Variants in MCEE observed in about 807,000 individuals in gnomAD.
The protein encoded by MCEE is methylmalonyl-CoA epimerase, mitochondrial.
MCEE carries 6 observed loss-of-function variants against 12.9 expected under a neutral mutation model. The observed-to-expected ratio is 0.47, with a 90% CI of 0.26 to 0.92. The LOEUF is 0.92. Among genes scored for constraint, MCEE ranks in the 40% least tolerant of loss-of-function variants. The pLI is 0.16. For synonymous variants in MCEE, 78 were observed against 77.9 expected (o/e 1.00, Z -0.01); for missense variants, 214 against 212.1 (o/e 1.01, Z -0.05).
intron 1 of MCEE, among the ~76,000 whole-genome samples, chr2:71,126,769 C>G (rs1673243000): frequency 6.6e-6 from 1 of 152,038 alleles, no homozygotes; most frequent in Non-Finnish European, 1.5e-5. Context: ...CTTGTAGAAA[C>G]TTTTTTCCAG....
chr2:71,112,204 T>C (rs1672899171), intron 2 of MCEE, among the ~76,000 whole-genome samples: 1 of 152,160 alleles, frequency 6.6e-6, no homozygotes, highest in Admixed American at 6.5e-5. Context: ...TAGTGCGATC[T>C]CAGCTCACTG....
intron 2 of MCEE, among the ~76,000 whole-genome samples, chr2:71,121,917 G>T (rs141703893): frequency 1.6e-4 from 25 of 152,272 alleles, no homozygotes; most frequent in Non-Finnish European, 2.8e-4. Flanking sequence ...TGGCATCATG[G>T]GTAAGAGTGC....
chr2:71,111,716 G>A (rs34022557), intron 2 of MCEE, among the ~76,000 whole-genome samples: 1,972 of 152,198 alleles, frequency 0.013, 23 homozygotes, highest in Non-Finnish European at 0.02. Flanking sequence ...TAGCACCATG[G>A]CCTCCTCAGA....
Position 71,125,211 on chromosome 2 carries a change from A to ATATATTTTTTTT in MCEE, c.41-669_41-668insAAAAAAAATATA. ...TAAATATATATATATATATATATAT[A>ATATATTTTTTTT]TTTTTTTTTTTTTTTGAGACGGAGT... is the stretch of plus-strand genomic sequence containing the variant. On this transcript the variant is annotated intron_variant, in intron 1 of 2. Transcript: ENST00000244217. Among the ~76,000 whole-genome samples the ATATATTTTTTTT allele has an allele frequency of 2.0e-3, 97 of 48,590 alleles. 1 individual carries two copies. The highest frequency in any genetic ancestry group is 9.8e-3 in the South Asian group (11 of 1,120). 31.9% of individuals were successfully genotyped at this position (48,590 alleles called of 152,430 possible). A position where few individuals can be genotyped will look rare whatever the true frequency, so the allele number is the denominator to read the frequency against.
intron 2 of MCEE, among the ~76,000 whole-genome samples, chr2:71,112,482 C>CA: frequency 8.3e-6 from 1 of 119,978 alleles, no homozygotes; most frequent in Non-Finnish European, 1.6e-5. Context: ...GTCACCTAGG[C>CA]TGGAGTGCAA....
chr2:71,116,672 G>A (rs1157540206), intron 2 of MCEE: 1 of 147,996 alleles, frequency 6.8e-6, no homozygotes, highest in Non-Finnish European at 1.5e-5. Flanking sequence ...TCGGCCTCCC[G>A]AGTAACTGGG....
intron 1 of MCEE, 65 bp downstream of exon 1, chr2:71,130,115 C>T: frequency 6.5e-7 from 1 of 1,529,514 alleles, no homozygotes; most frequent in South Asian, 1.2e-5. Context: ...AGGCCTCCTC[C>T]GCCCCCGACC....
At chr2:71,125,211 A>ATATTTTT in intron 1 of MCEE, among the ~76,000 whole-genome samples, 5 of 48,610 alleles carry the variant, frequency 1.0e-4, no homozygotes, top group Admixed American at 3.3e-4. Flanking sequence ...ATATATATAT[A>ATATTTTT]TTTTTTTTTT....
chr2:71,127,639 T>C (rs1208940014), intron 1 of MCEE, among the ~76,000 whole-genome samples: 1 of 152,164 alleles, frequency 6.6e-6, no homozygotes, highest in African/African-American at 2.4e-5. Flanking sequence ...AGTTTGTTTG[T>C]TTTTTTGAAA....
chr2:71,124,514 G>C lies in MCEE; in HGVS notation c.70C>G (p.Pro24Ala). 6.2e-7 allele frequency: 1 copy of C among 1,614,008 alleles called. No homozygotes were observed. Among genetic ancestry groups the C allele is most frequent in the Non-Finnish European group, 8.5e-7 (1 of 1,180,014 alleles). Residue 24 changes from proline to alanine, a missense_variant, in exon 2 of 3, where the codon CCA becomes GCA. Pro to Ala is a conservative substitution (Grantham distance 27). Coordinates refer to ENST00000244217, the MANE Select transcript of MCEE (RefSeq NM_032601.4). ...GLFSRLQAPI[P>A]TVRASSTSQP... ...GATGTGGAAGAAGCTCTTACTGTTGGAATGGGAGCTTGAAGTCTGGAAAAA... is the reference window on the plus strand; with the variant it reads ...GATGTGGAAGAAGCTCTTACTGTTGCAATGGGAGCTTGAAGTCTGGAAAAA...
chr2:71,113,995 A>G (rs1672942870), intron 2 of MCEE, among the ~76,000 whole-genome samples: 1 of 152,176 alleles, frequency 6.6e-6, no homozygotes, highest in Non-Finnish European at 1.5e-5. Flanking sequence ...ACAAATCTCA[A>G]CTGAGGGACA....
intron 2 of MCEE, among the ~76,000 whole-genome samples, chr2:71,117,253 G>C (rs1046811185): frequency 2.7e-5 from 4 of 150,570 alleles, no homozygotes; most frequent in Non-Finnish European, 5.9e-5. Flanking sequence ...ATAGGGTTCA[G>C]ATGGTTCCAG....
chr2:71,124,223 G>A lies in MCEE; in HGVS notation c.361C>T (p.His121Tyr). Reference sequence around the variant, plus strand: ...TAAAATACCTCGATGCAGATGTGATGCATTCCTCCAGCCTTGTTTTTCTGC... The same window carrying A: ...TAAAATACCTCGATGCAGATGTGATACATTCCTCCAGCCTTGTTTTTCTGC... ...FLQKNKAGGM[H>Y]HICIEVDNIN... The change falls in exon 2 of 3, where the codon CAT becomes TAT. Residue 121 changes from histidine to tyrosine, a missense_variant. His to Tyr is a moderately conservative substitution (Grantham distance 83). Transcript: ENST00000244217. 1 of 1,612,342 alleles carries A rather than the reference G, an allele frequency of 6.2e-7. No homozygotes were observed. The highest frequency in any genetic ancestry group is 8.5e-7 in the Non-Finnish European group (1 of 1,178,414).
At chr2:71,117,554 T>C (rs1673018837) in intron 2 of MCEE, 1 of 150,422 alleles carries the variant, frequency 6.6e-6, no homozygotes, top group Non-Finnish European at 1.5e-5. Flanking sequence ...ATAAATTTTT[T>C]CTTTCCTAAG....
intron 1 of MCEE, 55 bp downstream of exon 1, chr2:71,130,125 C>T (rs1211387203): frequency 1.9e-6 from 3 of 1,573,756 alleles, no homozygotes; most frequent in Non-Finnish European, 2.6e-6. Flanking sequence ...CGCCCCCGAC[C>T]GCCGTTCCCA....
At chr2:71,113,014 T>C (rs1271092907) in intron 2 of MCEE, among the ~76,000 whole-genome samples, 2 of 152,248 alleles carry the variant, frequency 1.3e-5, no homozygotes, top group African/African-American at 4.8e-5. Flanking sequence ...GTGAAAAGAA[T>C]AATTTCTGTT....
intron 2 of MCEE, among the ~76,000 whole-genome samples, chr2:71,111,307 C>T (rs1354111615): frequency 2.6e-5 from 4 of 152,248 alleles, no homozygotes; most frequent in East Asian, 1.9e-4. Context: ...GTGGCAGGAA[C>T]GGCTCGACCC....
chr2:71,127,475 T>C (rs1294992546), intron 1 of MCEE, among the ~76,000 whole-genome samples: 2 of 152,266 alleles, frequency 1.3e-5, no homozygotes, highest in Non-Finnish European at 2.9e-5. Flanking sequence ...TCACTTGTAA[T>C]AGGTTTTTTA....
chr2:71,122,889 T>G (rs1673126640), intron 2 of MCEE, among the ~76,000 whole-genome samples: 1 of 152,254 alleles, frequency 6.6e-6, no homozygotes, highest in South Asian at 2.1e-4. Flanking sequence ...GGGAATTCCT[T>G]CACATTCATT....
Sources: allele counts gnomAD v4.1 joint callset (sites outside exome capture counted in the v4.1 genomes callset), GRCh38; gene constraint gnomAD v4.1.1; transcripts MANE v1.5; gene names NCBI Gene and HGNC (gene_info 2026-07-23, HGNC 2026-07-21).